The following AGBL4 variants were observed in gnomAD, a reference collection of about 807,000 sequenced individuals.
The protein encoded by AGBL4 is AGBL carboxypeptidase 4, also known as cytosolic carboxypeptidase 6.
AGBL4 carries 58 observed loss-of-function variants against 66.4 expected under a neutral mutation model. The ratio of observed to expected loss-of-function variants is 0.87; its 90% CI spans 0.71 to 1.09. The LOEUF is 1.09. Among genes scored for constraint, AGBL4 ranks in the 50% least tolerant of loss-of-function variants. AGBL4 has a pLI of 0.00. For missense variants in AGBL4, 579 were observed against 631.0 expected (o/e 0.92, Z 0.88); for synonymous variants, 234 against 222.9 (o/e 1.05, Z -0.44).
At chr1:49,770,400 A>C (rs751429347) in intron 2 of AGBL4, among the ~76,000 whole-genome samples, 6 of 151,984 alleles carry the variant, frequency 3.9e-5, no homozygotes, top group Non-Finnish European at 7.4e-5. Flanking sequence ...GATGTTTTTT[A>C]ATTTGCTGTT....
intron 3 of AGBL4, among the ~76,000 whole-genome samples, chr1:49,654,403 G>T (rs1226779583): frequency 6.6e-6 from 1 of 152,164 alleles, no homozygotes; most frequent in East Asian, 1.9e-4. Context: ...ATATTCTGTT[G>T]ATTTGGGGTG....
intron 6 of AGBL4, among the ~76,000 whole-genome samples, chr1:48,771,254 C>T (rs1359714955): frequency 6.6e-6 from 1 of 152,128 alleles, no homozygotes; most frequent in East Asian, 1.9e-4. Context: ...CCCTAAGGAG[C>T]TTATAAGACA....
intron 1 of AGBL4, among the ~76,000 whole-genome samples, chr1:49,951,025 A>T (rs972538353): frequency 6.6e-6 from 1 of 151,852 alleles, no homozygotes; most frequent in African/African-American, 2.4e-5. Flanking sequence ...ATGTAGAATC[A>T]GAAAAACTTG....
intron 4 of AGBL4, among the ~76,000 whole-genome samples, chr1:49,156,859 G>T (rs181612129): frequency 6.6e-6 from 1 of 152,158 alleles, no homozygotes; most frequent in Non-Finnish European, 1.5e-5. Context: ...ATCTTGAAGG[G>T]TAGCTATGAA....
intron 6 of AGBL4, among the ~76,000 whole-genome samples, chr1:48,730,558 T>A (rs1441347131): frequency 6.6e-6 from 1 of 152,082 alleles, no homozygotes; most frequent in Non-Finnish European, 1.5e-5. Flanking sequence ...CTAGCATTAG[T>A]CAGGGAAGTG....
intron 5 of AGBL4, among the ~76,000 whole-genome samples, chr1:48,897,524 T>A (rs890839328): frequency 1.3e-5 from 2 of 152,218 alleles, no homozygotes; most frequent in Non-Finnish European, 2.9e-5. Flanking sequence ...CATATGTTAA[T>A]TCTATTTTTA....
intron 3 of AGBL4, among the ~76,000 whole-genome samples, chr1:49,593,875 C>CA (rs1158612440): frequency 6.6e-6 from 1 of 151,558 alleles, no homozygotes; most frequent in Non-Finnish European, 1.5e-5. Context: ...AGCAGGACTT[C>CA]AAAAAATATA....
chr1:49,776,963 A>G (rs1042157557), intron 2 of AGBL4, among the ~76,000 whole-genome samples: 6 of 152,172 alleles, frequency 3.9e-5, no homozygotes, highest in Non-Finnish European at 8.8e-5. Flanking sequence ...GAGGGAAAAT[A>G]GCATTCTAGC....
intron 3 of AGBL4, among the ~76,000 whole-genome samples, chr1:49,294,639 G>A (rs1644605020): frequency 6.6e-6 from 1 of 152,128 alleles, no homozygotes; most frequent in Admixed American, 6.6e-5. Flanking sequence ...CCAACCTCAT[G>A]TAGCCCAGCT....
At chr1:49,715,658 G>C (rs577586870) in intron 2 of AGBL4, among the ~76,000 whole-genome samples, 1 of 152,146 alleles carries the variant, frequency 6.6e-6, no homozygotes, top group East Asian at 1.9e-4. Context: ...ATTCTAACTG[G>C]CATGAGATGG....
intron 4 of AGBL4, among the ~76,000 whole-genome samples, chr1:49,049,737 C>G (rs1644168536): frequency 6.6e-6 from 1 of 151,920 alleles, no homozygotes; most frequent in Non-Finnish European, 1.5e-5. Flanking sequence ...GTATTAGAAG[C>G]TTTAGGGGAT....
chr1:49,627,437 A>G (rs532598882), intron 3 of AGBL4, among the ~76,000 whole-genome samples: 172 of 152,130 alleles, frequency 1.1e-3, no homozygotes, highest in African/African-American at 3.9e-3. Context: ...CATTTATCCA[A>G]TCACATGCAC....
At chr1:49,443,067 G>T (rs796847640) in intron 3 of AGBL4, among the ~76,000 whole-genome samples, 1 of 152,064 alleles carries the variant, frequency 6.6e-6, no homozygotes, top group Admixed American at 6.6e-5. Flanking sequence ...GGCTGTTTGT[G>T]TGTTTTCTTT....
rs866246873 is a variant in AGBL4, at chr1:49,006,540, T to C, written c.594+39044A>G. On this transcript the variant is annotated intron_variant, in intron 5 of 13. Coordinates refer to ENST00000371839, the MANE Select transcript of AGBL4 (RefSeq NM_032785.4). ...GGAGCCCACCACAGCTCAAGGAGGC[T>C]TGCCTGCCTCTGTAGGCTCCACCTC... 3.1e-3 allele frequency among the ~76,000 whole-genome samples: 469 copies of C among 152,042 alleles called. 5 individuals carry two copies. The highest frequency in any genetic ancestry group is 0.028 in the Middle Eastern group (8 of 290).
chr1:48,632,167 C>A (rs1645604265), intron 9 of AGBL4, among the ~76,000 whole-genome samples: 1 of 152,104 alleles, frequency 6.6e-6, no homozygotes, highest in Non-Finnish European at 1.5e-5. Flanking sequence ...CTATTCCAGG[C>A]CAGCTTGACT....
chr1:49,731,785 C>T (rs569091239), intron 2 of AGBL4, among the ~76,000 whole-genome samples: 16 of 152,188 alleles, frequency 1.1e-4, no homozygotes, highest in East Asian at 9.7e-4. Flanking sequence ...GTAATACCTA[C>T]GGCCAATTGA....
At chr1:49,552,608 CTCTCCCTCTCCCACCT>C (rs1389477670) in intron 3 of AGBL4, among the ~76,000 whole-genome samples, 1 of 152,194 alleles carries the variant, frequency 6.6e-6, no homozygotes, top group African/African-American at 2.4e-5. Context: ...GGAGAGGAGG[CTCTCCCTCTCCCACCT>C]TCACAGTTGT....
chr1:49,174,974 A>C (rs1646804849), intron 4 of AGBL4: 1 of 152,154 alleles, frequency 6.6e-6, no homozygotes, highest in African/African-American at 2.4e-5. Flanking sequence ...ATGGAAGAAT[A>C]AATTCACTTG....
intron 3 of AGBL4, among the ~76,000 whole-genome samples, chr1:49,498,821 C>G (rs1231473285): frequency 6.6e-6 from 1 of 151,932 alleles, no homozygotes; most frequent in Non-Finnish European, 1.5e-5. Context: ...CAACTACTAT[C>G]CTTCATTCAG....
Sources: allele counts gnomAD v4.1 joint callset (sites outside exome capture counted in the v4.1 genomes callset), GRCh38; gene constraint gnomAD v4.1.1; transcripts MANE v1.5; gene names NCBI Gene and HGNC (gene_info 2026-07-23, HGNC 2026-07-21).